SP110: variants seen among roughly 807,000 people sequenced by gnomAD.
SP110 encodes SP110 nuclear body protein.
Under a neutral mutation model 92.7 loss-of-function variants are expected in SP110, and 62 were observed. The observed-to-expected ratio is 0.67, with a 90% CI of 0.55 to 0.83. SP110 has a LOEUF of 0.83. Among genes scored for constraint, SP110 ranks in the 40% least tolerant of loss-of-function variants. SP110 has a pLI of 0.00. For synonymous variants in SP110, 273 were observed against 305.3 expected (o/e 0.89, Z 1.10); for missense variants, 793 against 863.9 (o/e 0.92, Z 1.03).
chr2:230,171,584 T>C, intron 17 of SP110, 112 bp downstream of exon 17: 1 of 835,028 alleles, frequency 1.2e-6, no homozygotes, highest in South Asian at 1.4e-5. Context: ...GCTGCCACGC[T>C]GCCCTTCTCT....
chr2:230,212,458 A>C, intron 4 of SP110, 28 bp from the exon 5 acceptor site: 1 of 1,518,936 alleles, frequency 6.6e-7, no homozygotes, highest in Non-Finnish European at 9.1e-7. Flanking sequence ...ATTATTACAG[A>C]TTGCAGGGAC....
Position 230,167,105 on chromosome 2 carries a change from CTT to C in SP110, c.*2017_*2018del, listed in dbSNP as rs34396036. On this transcript the variant is annotated 3_prime_UTR_variant, in exon 19 of 19. Transcript: ENST00000258381. Reference sequence around the variant, plus strand: ...GAGCCTATTTCTTTTGTTTTCTTTCCTTTTTTTTTTTTTTTTTTTGAGGCAGG... The same window carrying C: ...GAGCCTATTTCTTTTGTTTTCTTTCCTTTTTTTTTTTTTTTTTGAGGCAGG... The C allele has an allele frequency of 1.7e-3, 198 of 119,190 alleles. No homozygotes were observed. Among genetic ancestry groups the C allele is most frequent in the East Asian group, 4.5e-3 (20 of 4,462 alleles). 7.4% of individuals were successfully genotyped at this position (119,190 alleles called of 1,614,324 possible).
chr2:230,183,712 A>C, intron 11 of SP110, 72 bp from the exon 12 acceptor site: 2 of 1,029,164 alleles, frequency 1.9e-6, no homozygotes, highest in East Asian at 4.7e-5. Context: ...AACAATCTTC[A>C]AGCATTTTTT....
In SP110 at chr2:230,165,723, TA is replaced by T. The variant is rs201250753; in HGVS notation, c.*3400del. Among the ~76,000 whole-genome samples the T allele has an allele frequency of 0.014, 2,138 of 151,972 alleles. 25 individuals are homozygous for T. The highest frequency in any genetic ancestry group is 0.021 in the Non-Finnish European group (1,451 of 67,964). ...GATATTTTATTTTTGACTTTGACATTAAAAAAATAAGTCAAAATGCATTGGG... is the reference window on the plus strand; with the variant it reads ...GATATTTTATTTTTGACTTTGACATTAAAAAATAAGTCAAAATGCATTGGG... On this transcript the variant is annotated 3_prime_UTR_variant, in exon 19 of 19. Coordinates refer to ENST00000258381, the MANE Select transcript of SP110 (RefSeq NM_080424.4).
intron 10 of SP110, among the ~76,000 whole-genome samples, chr2:230,190,409 T>C (rs2042564927): frequency 6.6e-6 from 1 of 152,184 alleles, no homozygotes; most frequent in Admixed American, 6.5e-5. Context: ...AGTTGTTTGT[T>C]TTTTTCTTGT....
intron 12 of SP110, among the ~76,000 whole-genome samples, chr2:230,179,356 G>A (rs956833216): frequency 2.6e-5 from 4 of 151,894 alleles, no homozygotes; most frequent in Admixed American, 6.5e-5. Flanking sequence ...GGGAACTTAC[G>A]GTGGGAAAAA....
At position 230,169,042 on chromosome 2, in the gene SP110, C is replaced by T. The variant is rs371157716; in HGVS notation, c.*82G>A. ...TGAGGGCAGCCAATTACATCCCAGACTCACTGGCAATCAACAGTCCAAGCC... is the reference window on the plus strand; with the variant it reads ...TGAGGGCAGCCAATTACATCCCAGATTCACTGGCAATCAACAGTCCAAGCC... On this transcript the variant is annotated 3_prime_UTR_variant, in exon 19 of 19. Coordinates refer to ENST00000258381, the MANE Select transcript of SP110 (RefSeq NM_080424.4). 1.1e-6 allele frequency: 1 copy of T among 919,438 alleles called. No individual in the cohort carries two copies. The allele number at this position is 919,438 out of a possible 1,614,324, so 57.0% of individuals were successfully genotyped here. A position where few individuals can be genotyped will look rare whatever the true frequency, so the allele number is the denominator to read the frequency against.
rs200263454 is a variant in SP110, at chr2:230,200,893, A to T, written c.1121T>A (p.Val374Asp). 1.2e-6 allele frequency: 2 copies of T among 1,611,964 alleles called. No individual in the cohort carries two copies. Among genetic ancestry groups the T allele is most frequent in the Non-Finnish European group, 1.7e-6 (2 of 1,178,072 alleles). Residue 374 changes from valine (V) to aspartate (D), a missense_variant, in exon 10 of 19, where the codon GTC becomes GAC. Physicochemically the swap from Val to Asp is radical, Grantham distance 152 (BLOSUM62 -3). Transcript: ENST00000258381. ...CAATCTCCAAGTTTTACCTTGTGTG[A>T]CCCTTCGTGGTGTACTAGGCGTCTT... ...SQKTPSTPRR[V>D]TQGAASPGHG...
At chr2:230,196,061 G>C (rs2042858195) in intron 10 of SP110, among the ~76,000 whole-genome samples, 1 of 152,098 alleles carries the variant, frequency 6.6e-6, no homozygotes, top group Non-Finnish European at 1.5e-5. Context: ...CATTTAAAAA[G>C]TTTTATTACA....
At chr2:230,224,977 A>G (rs925612643), upstream of SP110, among the ~76,000 whole-genome samples, 1 of 152,252 alleles carries the variant, frequency 6.6e-6, no homozygotes, top group Non-Finnish European at 1.5e-5. Context: ...AATCCTTTAC[A>G]GAATGAGGGC....
intron 1 of SP110, 31 bp downstream of exon 1, chr2:230,219,843 G>C: frequency 1.1e-6 from 1 of 900,040 alleles, no homozygotes; most frequent in Non-Finnish European, 1.3e-6. Context: ...CACCAAGAGC[G>C]AAGAATAAAG....
exon 1 of SP110, chr2:230,225,580 T>C (rs1352122300): frequency 1.8e-6 from 1 of 543,304 alleles, no homozygotes; most frequent in Non-Finnish European, 3.3e-6. Flanking sequence ...TTTTCCACCC[T>C]CTTTCCTTGG....
intron 2 of SP110, 143 bp downstream of exon 2, chr2:230,216,638 T>A (rs2045211210): frequency 2.1e-6 from 2 of 974,432 alleles, no homozygotes; most frequent in Non-Finnish European, 1.6e-6. Flanking sequence ...CTCTCCTAAC[T>A]ACCCCCACCT....
chr2:230,195,281 G>T (rs1444801928), intron 10 of SP110, among the ~76,000 whole-genome samples: 2 of 152,064 alleles, frequency 1.3e-5, no homozygotes, highest in African/African-American at 4.8e-5. Context: ...TGAATTAGGG[G>T]ATTGAATAAA....
At chr2:230,220,458 G>A (rs2045716154), upstream of SP110, among the ~76,000 whole-genome samples, 1 of 152,178 alleles carries the variant, frequency 6.6e-6, no homozygotes, top group Non-Finnish European at 1.5e-5. Context: ...AACTTGTCAG[G>A]ATAAGATTAT....
At chr2:230,196,172 GAT>G (rs768645470) in intron 10 of SP110, among the ~76,000 whole-genome samples, 64 of 152,118 alleles carry the variant, frequency 4.2e-4, no homozygotes, top group Non-Finnish European at 6.8e-4. Context: ...GTATAATTAA[GAT>G]ATAGATTTTA....
chr2:230,176,475 A>C (rs1390752056), intron 14 of SP110: 1 of 1,464,272 alleles, frequency 6.8e-7, no homozygotes. Context: ...GGACATGATG[A>C]GCTTTTTCAT....
chr2:230,188,137 T>C (rs1249076481), intron 10 of SP110, among the ~76,000 whole-genome samples: 1 of 152,230 alleles, frequency 6.6e-6, no homozygotes, highest in Non-Finnish European at 1.5e-5. Flanking sequence ...TGTGTTTCTA[T>C]ATGTTTGTGT....
At chr2:230,223,040 T>G (rs1330844020), upstream of SP110, among the ~76,000 whole-genome samples, 1 of 96,096 alleles carries the variant, frequency 1.0e-5, no homozygotes, top group Non-Finnish European at 2.6e-5. Context: ...TCAGTCTGAC[T>G]TTTTTTTTTT....
Sources: allele counts gnomAD v4.1 joint callset (sites outside exome capture counted in the v4.1 genomes callset), GRCh38; gene constraint gnomAD v4.1.1; transcripts MANE v1.5; gene names NCBI Gene and HGNC (gene_info 2026-07-23, HGNC 2026-07-21).